Variants in SLC17A1 observed in about 807,000 individuals in gnomAD.
The protein encoded by SLC17A1 is sodium-dependent phosphate transport protein 1.
In SLC17A1, 51 loss-of-function variants were observed where a neutral mutation model predicts 53.5. The observed-to-expected ratio is 0.95, with a 90% confidence interval of 0.76 to 1.20. SLC17A1 has a LOEUF of 1.20. Among genes scored for constraint, SLC17A1 ranks in the 50% most tolerant of loss-of-function variants. The pLI, the probability that SLC17A1 is intolerant of heterozygous loss-of-function variation, is 0.00. For synonymous variants in SLC17A1, 179 were observed against 198.8 expected, an observed-to-expected ratio of 0.90 and a Z score of 0.84; for missense variants, 538 against 568.2, an observed-to-expected ratio of 0.95 and a Z score of 0.54.
At chr6:25,768,066 C>G in the SLC17A1 span, among the ~76,000 whole-genome samples, 1 of 152,140 alleles carries the variant, frequency 6.6e-6, no homozygotes, top group Non-Finnish European at 1.5e-5. Context: ...ACAAATGTGG[C>G]AATCCTTCTT....
intron 3 of SLC17A1, among the ~76,000 whole-genome samples, chr6:25,820,289 G>T (rs1253064321): frequency 6.6e-6 from 1 of 152,150 alleles, no homozygotes; most frequent in Non-Finnish European, 1.5e-5. Flanking sequence ...TCATACTGCA[G>T]TTGTGAATTT....
chr6:25,761,418 T>C, the SLC17A1 span, among the ~76,000 whole-genome samples: 4 of 152,206 alleles, frequency 2.6e-5, no homozygotes, highest in Non-Finnish European at 5.9e-5. Flanking sequence ...GATGCTTCTG[T>C]GACCCAATCT....
chr6:25,774,895 C>T, the SLC17A1 span, among the ~76,000 whole-genome samples: 1 of 152,192 alleles, frequency 6.6e-6, no homozygotes, highest in Non-Finnish European at 1.5e-5. Flanking sequence ...ACTACTTGAA[C>T]CAGGTGAGTG....
At chr6:25,796,602 T>A (rs1258951728) in intron 12 of SLC17A1, among the ~76,000 whole-genome samples, 1 of 152,146 alleles carries the variant, frequency 6.6e-6, no homozygotes, top group Non-Finnish European at 1.5e-5. Context: ...TGAGATCCTA[T>A]TTTTTAAAAA....
the SLC17A1 span, among the ~76,000 whole-genome samples, chr6:25,748,791 C>A: frequency 2.1e-4 from 32 of 152,332 alleles, no homozygotes; most frequent in African/African-American, 7.0e-4. Context: ...AGGGAAGGCA[C>A]TATGCCTGGA....
intron 11 of SLC17A1, 93 bp downstream of exon 11, chr6:25,800,797 C>A (rs1228177650): frequency 5.1e-6 from 4 of 778,746 alleles, no homozygotes; most frequent in Non-Finnish European, 8.7e-6. Context: ...AAGTCATCTC[C>A]TTCTGGCATC....
At chr6:25,733,606 G>A in the SLC17A1 span, among the ~76,000 whole-genome samples, 10 of 152,136 alleles carry the variant, frequency 6.6e-5, no homozygotes, top group African/African-American at 2.4e-4. Flanking sequence ...AGTTTATAAT[G>A]TTTATAAGGT....
the SLC17A1 span, chr6:25,725,988 CAT>C: frequency 4.1e-6 from 3 of 726,158 alleles, no homozygotes; most frequent in Non-Finnish European, 4.5e-6. Context: ...CTTAAACGGG[CAT>C]TTGTGACAGG....
chr6:25,744,000 C>T, the SLC17A1 span, among the ~76,000 whole-genome samples: 1 of 152,070 alleles, frequency 6.6e-6, no homozygotes, highest in Non-Finnish European at 1.5e-5. Context: ...AAGTTCCATG[C>T]AGAGAAAAGG....
the SLC17A1 span, chr6:25,777,867 T>C: frequency 7.1e-7 from 1 of 1,417,144 alleles, no homozygotes; most frequent in African/African-American, 1.4e-5. Context: ...CTCCCGGGTA[T>C]TGAGACTTTC....
the SLC17A1 span, chr6:25,731,813 C>G: frequency 6.2e-7 from 1 of 1,601,236 alleles, no homozygotes; most frequent in Admixed American, 1.7e-5. Context: ...TGGTGACAGC[C>G]TTGGTGCCCT....
intron 3 of SLC17A1, among the ~76,000 whole-genome samples, chr6:25,826,244 C>T (rs1764735392): frequency 1.3e-5 from 2 of 152,086 alleles, no homozygotes; most frequent in African/African-American, 2.4e-5. Flanking sequence ...GTTTTATTCT[C>T]TCTCACATAG....
chr6:25,778,058 A>G (rs780108152), downstream of SLC17A1: 9 of 1,532,526 alleles, frequency 5.9e-6, no homozygotes, highest in Non-Finnish European at 7.2e-6. Context: ...AAAGAAACCT[A>G]TAGAGGCATG....
At chr6:25,731,892 G>A in the SLC17A1 span, 5 of 1,603,014 alleles carry the variant, frequency 3.1e-6, no homozygotes, top group South Asian at 2.2e-5. Flanking sequence ...CTCCCTGGAG[G>A]TGATGGTCGA....
the SLC17A1 span, chr6:25,770,579 C>G: frequency 9.7e-7 from 1 of 1,031,712 alleles, no homozygotes; most frequent in Non-Finnish European, 1.5e-6. Flanking sequence ...TCTTCATAGT[C>G]CTTTCCTTAA....
chr6:25,800,977 A>G lies in SLC17A1; in HGVS notation c.1182T>C (p.Tyr394=). 1 of 1,515,392 alleles carries G rather than the reference A, an allele frequency of 6.6e-7. No homozygotes were observed. The highest frequency in any genetic ancestry group is 9.2e-7 in the Non-Finnish European group (1 of 1,090,352). The allele number at this position is 1,515,392 out of a possible 1,614,324, so 93.9% of individuals were successfully genotyped here. A position where few individuals can be genotyped will look rare whatever the true frequency, so the allele number is the denominator to read the frequency against. Residue 394 remains tyrosine, a synonymous_variant, in exon 11 of 13, where the codon TAT becomes TAC. Transcript: ENST00000244527. ...FINGLDIAPR[Y]FGFIKACSTL... ...TTGAACATGCTTTAATAAATCCAAA[A>G]TATCTATGCATAAAAGAGTAATACA... is the stretch of plus-strand genomic sequence containing the variant.
the SLC17A1 span, among the ~76,000 whole-genome samples, chr6:25,724,526 C>T: frequency 6.6e-6 from 1 of 152,158 alleles, no homozygotes; most frequent in East Asian, 1.9e-4. Flanking sequence ...ATATTTTATT[C>T]TATCTAAACA....
At chr6:25,805,364 A>G (rs1014435746) in intron 10 of SLC17A1, among the ~76,000 whole-genome samples, 1 of 152,116 alleles carries the variant, frequency 6.6e-6, no homozygotes, top group South Asian at 2.1e-4. Flanking sequence ...CATCTGGGAT[A>G]CAGCAAAAGC....
the SLC17A1 span, chr6:25,777,078 C>A: frequency 2.8e-6 from 3 of 1,069,654 alleles, no homozygotes; most frequent in Non-Finnish European, 4.0e-6. Context: ...AATGTCAGCA[C>A]CAGCTCTACA....
Sources: allele counts gnomAD v4.1 joint callset (sites outside exome capture counted in the v4.1 genomes callset), GRCh38; gene constraint gnomAD v4.1.1; transcripts MANE v1.5; gene names NCBI Gene and HGNC (gene_info 2026-07-23, HGNC 2026-07-21).